Variants in FAT3 observed in about 807,000 individuals in gnomAD.
FAT3 encodes protocadherin Fat 3.
Under a neutral mutation model 310.2 loss-of-function variants are expected in FAT3, and 95 were observed. The ratio of observed to expected loss-of-function variants is 0.31; its 90% CI spans 0.26 to 0.36. FAT3 has a LOEUF of 0.36. Among genes scored for constraint, FAT3 ranks in the 10% least tolerant of loss-of-function variants. The pLI is 1.00. For synonymous variants in FAT3, 2,314 were observed against 2,192.9 expected, an observed-to-expected ratio of 1.06 and a Z score of -1.54; for missense variants, 5,408 against 5,715.6, an observed-to-expected ratio of 0.95 and a Z score of 1.74.
At chr11:92,658,141 C>T (rs559014011) in intron 3 of FAT3, among the ~76,000 whole-genome samples, 36 of 152,192 alleles carry the variant, frequency 2.4e-4, no homozygotes, top group Non-Finnish European at 3.4e-4. Context: ...GTGCATTTTA[C>T]GCTAACAGCA....
intron 4 of FAT3, among the ~76,000 whole-genome samples, chr11:92,742,739 C>T (rs1021130989): frequency 1.7e-4 from 26 of 152,296 alleles, no homozygotes; most frequent in African/African-American, 6.0e-4. Context: ...GTTGGACTTC[C>T]CAGGCTCCAG....
chr11:92,680,056 C>T (rs1341726326), intron 3 of FAT3, among the ~76,000 whole-genome samples: 1 of 151,400 alleles, frequency 6.6e-6, no homozygotes, highest in East Asian at 1.9e-4. Flanking sequence ...ACAAGTTGTC[C>T]ATTCACTCCA....
chr11:92,866,818 C>A lies in FAT3; in HGVS notation c.11736C>A (p.Val3912=). The A allele has an allele frequency of 6.2e-7, 1 of 1,613,944 alleles. No individual in the cohort carries two copies. The highest frequency in any genetic ancestry group is 1.1e-5 in the South Asian group (1 of 91,070). The change falls in exon 22 of 28, where the codon GTC becomes GTA. Residue 3912 remains valine, a synonymous_variant. Transcript: ENST00000525166. ...TCTTGGGCATCTCGGGCCGTGCTGT[C>A]AACGACGGGAGCTGGCACTCGGTCT... ...PGILGISGRA[V]NDGSWHSVFL... is the part of the protein sequence containing the mutation.
At chr11:92,661,628 C>T (rs964477626) in intron 3 of FAT3, among the ~76,000 whole-genome samples, 22 of 151,562 alleles carry the variant, frequency 1.5e-4, no homozygotes, top group African/African-American at 5.3e-4. Flanking sequence ...TGACACATGC[C>T]CATTCAAATA....
intron 2 of FAT3, among the ~76,000 whole-genome samples, chr11:92,506,209 A>G (rs903094163): frequency 8.5e-5 from 13 of 152,142 alleles, no homozygotes; most frequent in Admixed American, 7.9e-4. Context: ...TTCTGTTGCA[A>G]CCTCACATAG....
At chr11:92,244,793 A>G (rs1417016765) in intron 1 of FAT3, among the ~76,000 whole-genome samples, 1 of 152,160 alleles carries the variant, frequency 6.6e-6, no homozygotes, top group Non-Finnish European at 1.5e-5. Flanking sequence ...GATGATGAGC[A>G]TCATCTCACA....
intron 4 of FAT3, among the ~76,000 whole-genome samples, chr11:92,705,416 T>G (rs1591629128): frequency 2.1e-5 from 1 of 46,776 alleles, no homozygotes; most frequent in Admixed American, 2.5e-4. Context: ...GTGGTGATGG[T>G]GGTAGTGGTG....
intron 4 of FAT3, among the ~76,000 whole-genome samples, chr11:92,704,668 G>A (rs952010187): frequency 1.3e-5 from 2 of 152,140 alleles, no homozygotes; most frequent in Non-Finnish European, 2.9e-5. Flanking sequence ...ACAAGCCAAG[G>A]AGAGAGGTGT....
chr11:92,262,700 A>G (rs986859174), intron 1 of FAT3, among the ~76,000 whole-genome samples: 10 of 152,148 alleles, frequency 6.6e-5, no homozygotes, highest in African/African-American at 2.4e-4. Flanking sequence ...ATATTTTAGT[A>G]CATATCTCTT....
At chr11:92,387,030 A>C (rs897028430) in intron 2 of FAT3, among the ~76,000 whole-genome samples, 1 of 150,922 alleles carries the variant, frequency 6.6e-6, no homozygotes, top group African/African-American at 2.5e-5. Context: ...GATAAATGCT[A>C]TGAGCCAGCA....
At chr11:92,295,818 C>A (rs944712425) in intron 1 of FAT3, among the ~76,000 whole-genome samples, 1 of 152,086 alleles carries the variant, frequency 6.6e-6, no homozygotes, top group Non-Finnish European at 1.5e-5. Context: ...TTCTTGGATG[C>A]ACAATAGAAT....
rs1199340771 is a variant in FAT3 at position 92,353,054 on chromosome 11, G to C, written c.942G>C (p.Leu314=). Residue 314 remains leucine (L), a synonymous_variant, in exon 2 of 28, where the codon CTG becomes CTC. Coordinates refer to ENST00000525166, the MANE Select transcript of FAT3 (RefSeq NM_001367949.2). The part of the protein sequence containing the change: ...VAGDPLDQFF[L]AKEGKWLNEY... Reference sequence around the variant, plus strand: ...GGGATCCTTTAGATCAGTTCTTCCTGGCTAAGGAAGGAAAGTGGTTGAATG... The same window carrying C: ...GGGATCCTTTAGATCAGTTCTTCCTCGCTAAGGAAGGAAAGTGGTTGAATG... 6.2e-7 allele frequency: 1 copy of C among 1,613,504 alleles called. No individual in the cohort carries two copies. The highest frequency in any genetic ancestry group is 2.2e-5 in the East Asian group (1 of 44,870).
chr11:92,468,272 A>G (rs896782418), intron 2 of FAT3, among the ~76,000 whole-genome samples: 1 of 152,204 alleles, frequency 6.6e-6, no homozygotes, highest in African/African-American at 2.4e-5. Flanking sequence ...CCTGCCATGC[A>G]TCTTGTTATA....
At chr11:92,249,346 G>A (rs980794770) in intron 1 of FAT3, among the ~76,000 whole-genome samples, 1 of 151,998 alleles carries the variant, frequency 6.6e-6, no homozygotes, top group African/African-American at 2.4e-5. Flanking sequence ...GAAGGAAAAC[G>A]CAGAGGCACG....
intron 3 of FAT3, among the ~76,000 whole-genome samples, chr11:92,683,787 A>G (rs1943554566): frequency 6.6e-6 from 1 of 152,192 alleles, no homozygotes; most frequent in African/African-American, 2.4e-5. Context: ...ACCTTCCAAC[A>G]ACTTTCTTTT....
intron 1 of FAT3, among the ~76,000 whole-genome samples, chr11:92,275,394 T>A (rs1332831866): frequency 6.6e-6 from 1 of 152,108 alleles, no homozygotes; most frequent in Non-Finnish European, 1.5e-5. Context: ...GGCTTCAACC[T>A]TATTCAACCT....
chr11:92,523,198 T>G (rs1484568344), intron 2 of FAT3, among the ~76,000 whole-genome samples: 2 of 152,226 alleles, frequency 1.3e-5, no homozygotes, highest in Non-Finnish European at 2.9e-5. Context: ...TCTCATTTTC[T>G]TCCTATTCTA....
Position 92,890,898 on chromosome 11 carries a change from G to A in FAT3, c.13555G>A (p.Val4519Met), listed in dbSNP as rs1949904039. 6.2e-7 allele frequency: 1 copy of A among 1,614,036 alleles called. No individual in the cohort carries two copies. Among genetic ancestry groups the A allele is most frequent in the Non-Finnish European group, 8.5e-7 (1 of 1,179,900 alleles). The change falls in exon 28 of 28, where the codon GTG (valine) becomes ATG (methionine). Residue 4519 changes from valine (V) to methionine (M), a missense_variant. By Grantham distance (21) the Val-to-Met change is conservative. Transcript: ENST00000525166. ...PASCEFSTFAVSMNQGTEPTG... is the reference protein window; with the variant it reads ...PASCEFSTFAMSMNQGTEPTG... ...CAGCTGTGAATTTAGTACTTTTGCT[G>A]TGAGCATGAACCAGGGCACAGAGCC...
rs141115311 is a variant in FAT3, at chr11:92,753,055, A to C, written c.3670-8801A>C. Among the ~76,000 whole-genome samples, 552 of 152,302 alleles carry C rather than the reference A, an allele frequency of 3.6e-3. 3 individuals carry two copies. Among genetic ancestry groups the C allele is most frequent in the South Asian group, 7.7e-3 (37 of 4,820 alleles). The stretch of plus-strand genomic sequence containing the variant: ...GTTTTAAAACATAGCCTCCCAAATT[A>C]TTTGACCCTCCTCCCATCTAGAGGT... On this transcript the variant is annotated intron_variant, in intron 4 of 27. Coordinates refer to ENST00000525166, the MANE Select transcript of FAT3 (RefSeq NM_001367949.2).
Sources: allele counts gnomAD v4.1 joint callset (sites outside exome capture counted in the v4.1 genomes callset), GRCh38; gene constraint gnomAD v4.1.1; transcripts MANE v1.5; gene names NCBI Gene and HGNC (gene_info 2026-07-23, HGNC 2026-07-21).